FAM135B: variants seen among roughly 807,000 people sequenced by gnomAD.
FAM135B encodes protein FAM135B.
A neutral mutation model predicts 127.7 loss-of-function variants in FAM135B; 43 were observed. That is an observed-to-expected ratio of 0.34 (90% CI 0.26 to 0.43). FAM135B has a LOEUF of 0.43. FAM135B is among the 20% of genes least tolerant of loss of function. The probability of loss-of-function intolerance (pLI) is 1.00; values close to 1 mark genes in which losing one functional copy is unlikely to be tolerated. For synonymous variants in FAM135B, 670 were observed against 665.1 expected (o/e 1.01, Z -0.11); for missense variants, 1,558 against 1,725.6 (o/e 0.90, Z 1.72).
In FAM135B at chr8:138,461,068, G is replaced by A. The variant is rs576273598; in HGVS notation, c.-20+35603C>T. On this transcript the variant is annotated intron_variant, in intron 1 of 19. Transcript: ENST00000395297. ...GATCAGATGCTCATTTAAAAAACAG[G>A]GAGTTAATCCTTTGTTATAAGTTTC... is the stretch of plus-strand genomic sequence containing the variant. Among the ~76,000 whole-genome samples, 9 of 152,216 alleles carry A rather than the reference G, an allele frequency of 5.9e-5. No individual in the cohort carries two copies. In the East Asian group the frequency reaches 1.7e-3, roughly 29 times the overall value.
chr8:138,270,328 C>T (rs1823278729), intron 3 of FAM135B, among the ~76,000 whole-genome samples: 1 of 152,178 alleles, frequency 6.6e-6, no homozygotes, highest in Non-Finnish European at 1.5e-5. Flanking sequence ...GTGTCAATCA[C>T]ACAGCACAAC....
chr8:138,285,888 C>T (rs1484003341), intron 3 of FAM135B, among the ~76,000 whole-genome samples: 1 of 152,228 alleles, frequency 6.6e-6, no homozygotes, highest in Non-Finnish European at 1.5e-5. Context: ...TGAGATTCTT[C>T]ATTCATCTGC....
At chr8:138,260,606 T>A (rs1822467673) in intron 4 of FAM135B, among the ~76,000 whole-genome samples, 1 of 152,114 alleles carries the variant, frequency 6.6e-6, no homozygotes, top group South Asian at 2.1e-4. Flanking sequence ...CATTTATCAT[T>A]CCTCTCTACA....
At chr8:138,296,893 G>A (rs1227911180) in intron 3 of FAM135B, among the ~76,000 whole-genome samples, 1 of 152,134 alleles carries the variant, frequency 6.6e-6, no homozygotes, top group East Asian at 1.9e-4. Context: ...TCTAGCAAAT[G>A]TTCACACTCC....
chr8:138,332,271 C>G (rs1010817417), intron 2 of FAM135B, among the ~76,000 whole-genome samples: 10 of 152,114 alleles, frequency 6.6e-5, no homozygotes, highest in Middle Eastern at 3.2e-3. Flanking sequence ...ATTTCCATGG[C>G]CCATGATGAT....
At chr8:138,290,433 A>G (rs1825021889) in intron 3 of FAM135B, among the ~76,000 whole-genome samples, 1 of 152,130 alleles carries the variant, frequency 6.6e-6, no homozygotes, top group South Asian at 2.1e-4. Context: ...AGCGGTCTCA[A>G]TGTGTCTATC....
intron 1 of FAM135B, among the ~76,000 whole-genome samples, chr8:138,427,208 T>C (rs1274276770): frequency 6.6e-6 from 1 of 151,374 alleles, no homozygotes; most frequent in Non-Finnish European, 1.5e-5. Flanking sequence ...GTGTAGGTGA[T>C]ATTCTGTTTC....
intron 1 of FAM135B, among the ~76,000 whole-genome samples, chr8:138,488,181 T>C (rs181865064): frequency 6.6e-6 from 1 of 152,300 alleles, no homozygotes; most frequent in Non-Finnish European, 1.5e-5. Context: ...CTGCAGTTAT[T>C]ACTTTTTAAA....
chr8:138,279,572 G>T (rs1313126645), intron 3 of FAM135B, among the ~76,000 whole-genome samples: 1 of 152,180 alleles, frequency 6.6e-6, no homozygotes, highest in African/African-American at 2.4e-5. Context: ...CCATGCACTT[G>T]CAAATCATTT....
intron 9 of FAM135B, among the ~76,000 whole-genome samples, chr8:138,186,178 C>T (rs1450633788): frequency 6.6e-6 from 1 of 152,190 alleles, no homozygotes; most frequent in African/African-American, 2.4e-5. Flanking sequence ...TCACCTCTCG[C>T]TCCCTGGTTC....
intron 9 of FAM135B, among the ~76,000 whole-genome samples, chr8:138,181,605 C>T (rs1417545418): frequency 6.6e-6 from 1 of 152,188 alleles, no homozygotes. Flanking sequence ...CGTCACCTTC[C>T]AGTTTCCTTT....
chr8:138,431,165 C>G (rs1835168493), intron 1 of FAM135B, among the ~76,000 whole-genome samples: 2 of 152,118 alleles, frequency 1.3e-5, no homozygotes, highest in South Asian at 4.1e-4. Flanking sequence ...AAAATTGAAA[C>G]TGAAAGAGAT....
intron 1 of FAM135B, chr8:138,437,170 A>G (rs1835502337): frequency 1.3e-5 from 2 of 152,380 alleles, no homozygotes; most frequent in South Asian, 2.1e-4. Context: ...AATAGAGAAG[A>G]ATAAAGTAAT....
At chr8:138,138,417 T>TGAG (rs1192872552) in intron 18 of FAM135B, among the ~76,000 whole-genome samples, 1 of 152,170 alleles carries the variant, frequency 6.6e-6, no homozygotes, top group Non-Finnish European at 1.5e-5. Flanking sequence ...GGGCAATCAG[T>TGAG]CAGCTGCTCC....
At chr8:138,414,852 T>G (rs532862587) in intron 1 of FAM135B, among the ~76,000 whole-genome samples, 1 of 152,226 alleles carries the variant, frequency 6.6e-6, no homozygotes, top group South Asian at 2.1e-4. Context: ...TGAAATGACA[T>G]GGAGGAATCT....
chr8:138,370,415 G>A (rs562655183), intron 1 of FAM135B, among the ~76,000 whole-genome samples: 1 of 152,162 alleles, frequency 6.6e-6, no homozygotes, highest in Admixed American at 6.5e-5. Flanking sequence ...CAGTGAGGAA[G>A]ATGAGTTCCC....
chr8:138,187,928 G>A (rs1337393796), intron 9 of FAM135B, among the ~76,000 whole-genome samples: 1 of 152,182 alleles, frequency 6.6e-6, no homozygotes, highest in Non-Finnish European at 1.5e-5. Context: ...TTAATCAATT[G>A]TGTCTAATAT....
intron 2 of FAM135B, among the ~76,000 whole-genome samples, chr8:138,316,020 C>G (rs898747146): frequency 6.6e-6 from 1 of 152,008 alleles, no homozygotes; most frequent in Non-Finnish European, 1.5e-5. Flanking sequence ...TTTAGATGTA[C>G]TTACCACAGA....
In FAM135B at chr8:138,305,892, A is replaced by G. The variant is rs12676535; in HGVS notation, c.157+4949T>C. ...TATAGACATTTATATGTATAGGAAG[A>G]CCACTTGAAATTATATACACACATG... On this transcript the variant is annotated intron_variant, in intron 3 of 19. Transcript: ENST00000395297. Among the ~76,000 whole-genome samples, 10 of 152,228 alleles carry G rather than the reference A, an allele frequency of 6.6e-5. No homozygotes were observed. The East Asian group carries it at 1.4e-3, about 21-fold the overall frequency.
Sources: gnomAD v4.1 joint callset for allele counts (sites outside exome capture counted in the v4.1 genomes callset) on GRCh38, gnomAD v4.1.1 for gene constraint, MANE v1.5 for transcripts, NCBI Gene and HGNC (gene_info 2026-07-23, HGNC 2026-07-21) for gene names.